The following MALRD1 variants were observed in gnomAD, a reference collection of about 807,000 sequenced individuals.
MALRD1 encodes the protein MAM and LDL receptor class A domain containing 1.
MALRD1 carries 247 observed loss-of-function variants against 242.1 expected under a neutral mutation model. The observed-to-expected ratio is 1.02, with a 90% CI of 0.92 to 1.13. The LOEUF (loss-of-function observed/expected upper bound fraction) is 1.13, where lower values mean the gene tolerates loss of function less well. MALRD1 is among the 50% of genes most tolerant of loss of function. MALRD1 has a pLI of 0.00. For synonymous variants in MALRD1, 995 were observed against 866.6 expected, an observed-to-expected ratio of 1.15 and a Z score of -2.60; for missense variants, 2,989 against 2,533.1, an observed-to-expected ratio of 1.18 and a Z score of -3.86.
intron 28 of MALRD1, among the ~76,000 whole-genome samples, chr10:19,447,077 C>CACAT (rs1203132363): frequency 1.5e-5 from 2 of 129,590 alleles, no homozygotes; most frequent in East Asian, 5.4e-4. Context: ...CAGACACACA[C>CACAT]ACACACACAC....
chr10:19,082,853 C>G (rs1012134359), intron 2 of MALRD1, among the ~76,000 whole-genome samples: 3 of 151,894 alleles, frequency 2.0e-5, no homozygotes, highest in Non-Finnish European at 4.4e-5. Flanking sequence ...GCTGCTAGAA[C>G]AAAATGCCAT....
chr10:19,257,001 A>G (rs991944899), intron 18 of MALRD1, among the ~76,000 whole-genome samples: 2 of 152,108 alleles, frequency 1.3e-5, no homozygotes, highest in Non-Finnish European at 2.9e-5. Flanking sequence ...ATTCTGTTAC[A>G]GTAAATCTCA....
At chr10:19,250,807 C>T (rs1839262573) in intron 18 of MALRD1, among the ~76,000 whole-genome samples, 1 of 151,728 alleles carries the variant, frequency 6.6e-6, no homozygotes, top group Non-Finnish European at 1.5e-5. Context: ...TCCCCACATC[C>T]TCCGTCTCTC....
chr10:19,213,650 CTGAG>C (rs768308638), intron 18 of MALRD1, among the ~76,000 whole-genome samples: 3 of 152,190 alleles, frequency 2.0e-5, no homozygotes, highest in Non-Finnish European at 4.4e-5. Context: ...TCGGTTCTGA[CTGAG>C]TGATTTTTCT....
At chr10:19,093,849 C>T (rs1345695533) in intron 4 of MALRD1, among the ~76,000 whole-genome samples, 1 of 87,574 alleles carries the variant, frequency 1.1e-5, no homozygotes, top group Non-Finnish European at 2.3e-5. Flanking sequence ...AATACCCTGC[C>T]GTGTGAGGTG....
At chr10:19,420,205 G>A (rs1589048767) in intron 28 of MALRD1, among the ~76,000 whole-genome samples, 1 of 152,168 alleles carries the variant, frequency 6.6e-6, no homozygotes, top group South Asian at 2.1e-4. Context: ...ATTATGATTG[G>A]CTCATTTAAA....
At chr10:19,165,242 A>AATATATATAT (rs57449195) in intron 12 of MALRD1, among the ~76,000 whole-genome samples, 2,665 of 69,590 alleles carry the variant, frequency 0.038, 224 homozygotes, top group African/African-American at 0.048. Flanking sequence ...AGTTGTTTGG[A>AATATATATAT]ATATATATAT....
In MALRD1 at chr10:19,675,190, AT is replaced by A. The variant is rs560804052; in HGVS notation, c.6138-17091del. Among the ~76,000 whole-genome samples the A allele has an allele frequency of 2.9e-3, 436 of 152,332 alleles. 1 individual carries two copies. The highest frequency in any genetic ancestry group is 4.4e-3 in the Non-Finnish European group (301 of 68,030). On this transcript the variant is annotated intron_variant, in intron 36 of 39. Coordinates refer to ENST00000454679, the MANE Select transcript of MALRD1 (RefSeq NM_001142308.3). Reference sequence around the variant, plus strand: ...ACTACCAATTCAAATGAAAATTTCAATAAAAACCACACAAGAGCACATGATT... The same window carrying A: ...ACTACCAATTCAAATGAAAATTTCAAAAAAACCACACAAGAGCACATGATT...
At chr10:19,517,191 C>T (rs1833674753) in intron 31 of MALRD1, among the ~76,000 whole-genome samples, 1 of 152,182 alleles carries the variant, frequency 6.6e-6, no homozygotes, top group Non-Finnish European at 1.5e-5. Flanking sequence ...GAAATTCCCA[C>T]CCTGGAAATA....
intron 18 of MALRD1, among the ~76,000 whole-genome samples, chr10:19,238,547 AT>A: frequency 6.4e-5 from 5 of 77,976 alleles, no homozygotes; most frequent in Non-Finnish European, 1.0e-4. Flanking sequence ...TATATAATAT[AT>A]AATGTATATT....
chr10:19,530,384 A>T (rs139439506), intron 31 of MALRD1, among the ~76,000 whole-genome samples: 3 of 9,948 alleles, frequency 3.0e-4, no homozygotes, highest in Non-Finnish European at 1.1e-3. Flanking sequence ...TATAAATATT[A>T]TATATTTATA....
intron 33 of MALRD1, among the ~76,000 whole-genome samples, chr10:19,579,230 G>T (rs910184205): frequency 1.3e-5 from 2 of 152,064 alleles, no homozygotes; most frequent in Non-Finnish European, 2.9e-5. Flanking sequence ...CACCTGGAAG[G>T]TCTCTAATAG....
intron 5 of MALRD1, among the ~76,000 whole-genome samples, chr10:19,121,666 A>G (rs1837070781): frequency 6.6e-6 from 1 of 152,174 alleles, no homozygotes; most frequent in South Asian, 2.1e-4. Flanking sequence ...CCGAGCAGAG[A>G]TGAAATTTCT....
chr10:19,171,953 GTATATATCACA>G (rs1448287994), intron 13 of MALRD1, among the ~76,000 whole-genome samples: 7 of 109,602 alleles, frequency 6.4e-5, no homozygotes, highest in Non-Finnish European at 1.3e-4. Context: ...TATAATATAT[GTATATATCACA>G]TATATGTGAT....
intron 14 of MALRD1, among the ~76,000 whole-genome samples, chr10:19,196,930 C>T (rs1233469690): frequency 6.6e-6 from 1 of 152,068 alleles, no homozygotes; most frequent in Non-Finnish European, 1.5e-5. Flanking sequence ...TTGCTACCAC[C>T]CTGAATTAGT....
chr10:19,066,575 G>C, intron 1 of MALRD1, 144 bp from the exon 2 acceptor site: 1 of 605,242 alleles, frequency 1.7e-6, no homozygotes, highest in Non-Finnish European at 2.4e-6. Context: ...AGCTTTGCAT[G>C]AATAAAGTAG....
chr10:19,225,052 A>G (rs751732362), intron 18 of MALRD1, among the ~76,000 whole-genome samples: 1 of 152,170 alleles, frequency 6.6e-6, no homozygotes, highest in Non-Finnish European at 1.5e-5. Context: ...AGCTTTCTTC[A>G]TATGGCTAGC....
intron 28 of MALRD1, among the ~76,000 whole-genome samples, chr10:19,391,224 G>C (rs1846323041): frequency 6.6e-6 from 1 of 152,006 alleles, no homozygotes; most frequent in African/African-American, 2.4e-5. Flanking sequence ...TTCCTACTGT[G>C]CACACACACA....
chr10:19,461,993 C>G (rs1424456041), intron 29 of MALRD1, among the ~76,000 whole-genome samples: 1 of 152,142 alleles, frequency 6.6e-6, no homozygotes, highest in African/African-American at 2.4e-5. Flanking sequence ...TATCTTGGGT[C>G]AAATGGTCAC....
Sources: gnomAD v4.1 joint callset for allele counts (sites outside exome capture counted in the v4.1 genomes callset) on GRCh38, gnomAD v4.1.1 for gene constraint, MANE v1.5 for transcripts, NCBI Gene and HGNC (gene_info 2026-07-23, HGNC 2026-07-21) for gene names.